GPR158: variants seen among roughly 807,000 people sequenced by gnomAD.
GPR158 encodes the protein G protein-coupled receptor 158, also known as metabotropic glycine receptor.
GPR158 carries 30 observed loss-of-function variants against 78.2 expected under a neutral mutation model. That is an observed-to-expected ratio of 0.38 (90% CI 0.29 to 0.52). The LOEUF (loss-of-function observed/expected upper bound fraction) is 0.52, where lower values mean the gene tolerates loss of function less well. Among genes scored for constraint, GPR158 ranks in the 20% least tolerant of loss-of-function variants. The probability of loss-of-function intolerance (pLI) is 0.83; values close to 1 mark genes in which losing one functional copy is unlikely to be tolerated. For missense variants in GPR158, 1,463 were observed against 1,523.5 expected, an observed-to-expected ratio of 0.96 and a Z score of 0.66; for synonymous variants, 581 against 591.1, an observed-to-expected ratio of 0.98 and a Z score of 0.25.
At chr10:25,297,879 G>C (rs1428176690) in intron 2 of GPR158, among the ~76,000 whole-genome samples, 1 of 152,184 alleles carries the variant, frequency 6.6e-6, no homozygotes, top group African/African-American at 2.4e-5. Context: ...AATGTTTGCT[G>C]TGCTATACAT....
At chr10:25,443,812 C>T (rs1189194895) in intron 4 of GPR158, among the ~76,000 whole-genome samples, 1 of 151,970 alleles carries the variant, frequency 6.6e-6, no homozygotes, top group Admixed American at 6.5e-5. Context: ...TCTGCCATCA[C>T]CCCATGTAGT....
At chr10:25,487,620 C>T (rs1468402596) in intron 5 of GPR158, among the ~76,000 whole-genome samples, 1 of 152,118 alleles carries the variant, frequency 6.6e-6, no homozygotes. Context: ...CTCTTTGGAC[C>T]TCCACTTCCT....
In GPR158 at chr10:25,598,193, A is replaced by G; in HGVS notation, c.2567A>G (p.Lys856Arg). The change falls in exon 11 of 11, where the codon AAA becomes AGA. Residue 856 changes from lysine (K) to arginine (R), a missense_variant. Lys to Arg is a conservative substitution (Grantham distance 26). Transcript: ENST00000376351. ...ACACTGGAATCCCTGTCGGGTAAAA[A>G]ACTAACACAAAAACTAAAAGAAGAC... The part of the protein sequence containing the change: ...NSTLESLSGK[K>R]LTQKLKEDSE... 6.2e-7 allele frequency: 1 copy of G among 1,614,136 alleles called. No individual in the cohort carries two copies. Among genetic ancestry groups the G allele is most frequent in the Non-Finnish European group, 8.5e-7 (1 of 1,180,022 alleles).
chr10:25,340,590 C>T (rs1180644602), intron 2 of GPR158, among the ~76,000 whole-genome samples: 1 of 151,892 alleles, frequency 6.6e-6, no homozygotes, highest in African/African-American at 2.4e-5. Context: ...GTAGTGAGAA[C>T]CCCATGTTTA....
chr10:25,569,492 A>G, intron 6 of GPR158, among the ~76,000 whole-genome samples: 1 of 152,230 alleles, frequency 6.6e-6, no homozygotes, highest in East Asian at 1.9e-4. Context: ...TATATAGTTC[A>G]TAACTATTTT....
At chr10:25,317,716 G>GTTTTGTTTTTTTTTTTTTTTTT (rs1554793351) in intron 2 of GPR158, among the ~76,000 whole-genome samples, 6 of 134,064 alleles carry the variant, frequency 4.5e-5, no homozygotes, top group African/African-American at 9.6e-5. Flanking sequence ...TTCGTAAAGT[G>GTTTTGTTTTTTTTTTTTTTTTT]TTTTTTTTTG....
chr10:25,305,041 C>T (rs768480957), intron 2 of GPR158, among the ~76,000 whole-genome samples: 15 of 152,172 alleles, frequency 9.9e-5, no homozygotes, highest in Non-Finnish European at 2.1e-4. Flanking sequence ...ACTCCCACAC[C>T]CTTGGTGGTG....
intron 4 of GPR158, among the ~76,000 whole-genome samples, chr10:25,421,682 ATTACT>A (rs1448939455): frequency 2.6e-5 from 4 of 152,204 alleles, no homozygotes; most frequent in South Asian, 2.1e-4. Flanking sequence ...TAAATATAAC[ATTACT>A]TTAATTCTAT....
intron 2 of GPR158, among the ~76,000 whole-genome samples, chr10:25,330,110 C>A (rs2130490957): frequency 6.6e-6 from 1 of 152,046 alleles, no homozygotes; most frequent in South Asian, 2.1e-4. Context: ...GTGCGCTACA[C>A]CCACTAACTC....
Position 25,175,995 on chromosome 10 carries a change from T to C in GPR158, c.575T>C (p.Leu192Pro), listed in dbSNP as rs747743861. Reference protein sequence around the residue: ...SLSAPAPQVFLQATREESRIL... With the variant: ...SLSAPAPQVFPQATREESRIL... ...TCCGCACCGGCCCCACAGGTCTTCC[T>C]CCAGGCCACGCGCGAGGAGAGCCGC... Residue 192 changes from leucine (L) to proline (P), a missense_variant, in exon 1 of 11, where the codon CTC becomes CCC. Coordinates refer to ENST00000376351, the MANE Select transcript of GPR158 (RefSeq NM_020752.3). This position sits in a 1 kb window ranked among gnomAD's most constrained non-coding sequence, Gnocchi z 6.4. The C allele has an allele frequency of 6.2e-7, 1 of 1,613,100 alleles. No homozygotes were observed. Among genetic ancestry groups the C allele is most frequent in the Non-Finnish European group, 8.5e-7 (1 of 1,179,888 alleles).
At chr10:25,293,984 A>T (rs1038287413) in intron 2 of GPR158, among the ~76,000 whole-genome samples, 1 of 152,126 alleles carries the variant, frequency 6.6e-6, no homozygotes, top group Non-Finnish European at 1.5e-5. Flanking sequence ...TGACCTCGTG[A>T]TTCACCTGCC....
At chr10:25,507,615 A>G (rs1355218238) in intron 5 of GPR158, among the ~76,000 whole-genome samples, 1 of 152,376 alleles carries the variant, frequency 6.6e-6, no homozygotes, top group East Asian at 1.9e-4. Flanking sequence ...TATATCACAA[A>G]GGAAGAAAAG....
intron 2 of GPR158, among the ~76,000 whole-genome samples, chr10:25,348,857 C>G (rs1415603646): frequency 6.6e-6 from 1 of 152,008 alleles, no homozygotes; most frequent in African/African-American, 2.4e-5. Flanking sequence ...AAGATTCACT[C>G]TAGTCATGCA....
Position 25,241,353 on chromosome 10 carries a change from T to C in GPR158, c.1008+20196T>C, listed in dbSNP as rs901907950. 1.1e-3 allele frequency among the ~76,000 whole-genome samples: 148 copies of C among 132,022 alleles called. 4 individuals are homozygous for C. The highest frequency in any genetic ancestry group is 4.9e-3 in the African/African-American group (145 of 29,506). The allele number at this position is 132,022 out of a possible 152,430, so 86.6% of individuals were successfully genotyped here. ...TCTCTTCTCTTTTCTCTTTTCTCTT[T>C]TCTTTTCTCTTTTCTTTTCTCTCTT... is the stretch of plus-strand genomic sequence containing the variant. On this transcript the variant is annotated intron_variant, in intron 2 of 10. Transcript: ENST00000376351.
At chr10:25,441,017 G>C (rs537077405) in intron 4 of GPR158, among the ~76,000 whole-genome samples, 1 of 152,132 alleles carries the variant, frequency 6.6e-6, no homozygotes, top group Non-Finnish European at 1.5e-5. Flanking sequence ...GGGAAGCAAC[G>C]TGCATAATAA....
chr10:25,407,438 G>T (rs372620422), intron 3 of GPR158, among the ~76,000 whole-genome samples: 1 of 151,990 alleles, frequency 6.6e-6, no homozygotes, highest in Non-Finnish European at 1.5e-5. Context: ...TACTACCTAA[G>T]TGCCCATTAT....
chr10:25,541,417 TG>T (rs1836582366), intron 5 of GPR158, among the ~76,000 whole-genome samples: 1 of 152,138 alleles, frequency 6.6e-6, no homozygotes, highest in Non-Finnish European at 1.5e-5. Context: ...TCAAATTTCT[TG>T]ATCTTTTACT....
At chr10:25,524,246 C>T (rs544073083) in intron 5 of GPR158, among the ~76,000 whole-genome samples, 32 of 152,266 alleles carry the variant, frequency 2.1e-4, no homozygotes, top group African/African-American at 7.5e-4. Flanking sequence ...CCAGTGCAAG[C>T]CTATGAAAAC....
intron 5 of GPR158, among the ~76,000 whole-genome samples, chr10:25,484,093 G>T (rs1835700411): frequency 6.6e-6 from 1 of 152,102 alleles, no homozygotes; most frequent in Admixed American, 6.6e-5. Context: ...AACATTCTAT[G>T]TAATCTGGCT....
Sources: allele counts gnomAD v4.1 joint callset (sites outside exome capture counted in the v4.1 genomes callset), GRCh38; gene constraint gnomAD v4.1.1; non-coding constraint Gnocchi (gnomAD v3.1); transcripts MANE v1.5; gene names NCBI Gene and HGNC (gene_info 2026-07-23, HGNC 2026-07-21).